GAPVD1: variants seen among roughly 807,000 people sequenced by gnomAD.
GAPVD1 encodes the protein GTPase-activating protein and VPS9 domain-containing protein 1.
Under a neutral mutation model 155.5 loss-of-function variants are expected in GAPVD1, and 35 were observed. That is an observed-to-expected ratio of 0.23 (90% confidence interval 0.17 to 0.30). The LOEUF (loss-of-function observed/expected upper bound fraction) is 0.30. GAPVD1 is among the 10% of genes least tolerant of loss of function. The probability of loss-of-function intolerance (pLI) is 1.00; values close to 1 mark genes in which losing one functional copy is unlikely to be tolerated. For synonymous variants in GAPVD1, 636 were observed against 619.7 expected (o/e 1.03, Z -0.39); for missense variants, 1,429 against 1,775.7 (o/e 0.80, Z 3.51).
intron 27 of GAPVD1, among the ~76,000 whole-genome samples, chr9:125,361,035 T>C (rs1850834819): frequency 6.6e-6 from 1 of 152,142 alleles, no homozygotes; most frequent in African/African-American, 2.4e-5. Flanking sequence ...CGAATTTTTT[T>C]TCATTTTTGC....
chr9:125,358,147 C>G (rs1210889749), intron 25 of GAPVD1, among the ~76,000 whole-genome samples: 1 of 152,048 alleles, frequency 6.6e-6, no homozygotes, highest in Non-Finnish European at 1.5e-5. Flanking sequence ...ACTCTGTCAC[C>G]CAGGCTGGAG....
At chr9:125,351,738 T>G (rs1418848828) in intron 23 of GAPVD1, among the ~76,000 whole-genome samples, 4 of 152,102 alleles carry the variant, frequency 2.6e-5, no homozygotes, top group East Asian at 1.9e-4. Flanking sequence ...CCCATGGTCT[T>G]TCTTTTTTTT....
intron 12 of GAPVD1, among the ~76,000 whole-genome samples, chr9:125,328,007 A>G (rs1845448430): frequency 6.6e-6 from 1 of 152,088 alleles, no homozygotes; most frequent in Non-Finnish European, 1.5e-5. Flanking sequence ...ATATAGCTTT[A>G]AAAGGTAACT....
chr9:125,280,396 C>CAAAAAAAAAAAAA (rs750354567), intron 2 of GAPVD1, among the ~76,000 whole-genome samples: 2 of 57,338 alleles, frequency 3.5e-5, no homozygotes, highest in Non-Finnish European at 6.3e-5. Context: ...AAGTCCATCT[C>CAAAAAAAAAAAAA]AAAAAAAAAA....
At chr9:125,303,603 C>T (rs906842988) in intron 5 of GAPVD1, among the ~76,000 whole-genome samples, 76 of 151,594 alleles carry the variant, frequency 5.0e-4, no homozygotes, top group African/African-American at 1.7e-3. Flanking sequence ...ATGGAGAAAC[C>T]CCATCTCTAC....
At chr9:125,300,513 G>C (rs768718492) in intron 4 of GAPVD1, among the ~76,000 whole-genome samples, 1 of 151,958 alleles carries the variant, frequency 6.6e-6, no homozygotes, top group Non-Finnish European at 1.5e-5. Flanking sequence ...TATCAGTGCT[G>C]TTGAGAATAT....
At chr9:125,314,095 T>A (rs1843041740) in intron 9 of GAPVD1, among the ~76,000 whole-genome samples, 1 of 152,182 alleles carries the variant, frequency 6.6e-6, no homozygotes, top group African/African-American at 2.4e-5. Context: ...GAGATTGTGG[T>A]ATGGAAATTA....
At chr9:125,281,175 G>T (rs530093156) in intron 2 of GAPVD1, among the ~76,000 whole-genome samples, 1 of 152,128 alleles carries the variant, frequency 6.6e-6, no homozygotes, top group African/African-American at 2.4e-5. Context: ...TTTCTAGGCC[G>T]TGGTGGTTAG....
chr9:125,332,689 C>T (rs971031164), intron 15 of GAPVD1, 60 bp downstream of exon 15: 3 of 1,403,896 alleles, frequency 2.1e-6, no homozygotes, highest in African/African-American at 1.4e-5. Flanking sequence ...GAAACTGGCA[C>T]TGTGACACAT....
intron 22 of GAPVD1, 22 bp downstream of exon 22, chr9:125,350,426 T>C (rs1256820254): frequency 7.0e-7 from 1 of 1,432,754 alleles, no homozygotes. Flanking sequence ...CAGGATCGTT[T>C]AATTTTTCCT....
intron 2 of GAPVD1, among the ~76,000 whole-genome samples, chr9:125,280,009 A>G (rs1367778326): frequency 6.6e-6 from 1 of 151,158 alleles, no homozygotes; most frequent in African/African-American, 2.4e-5. Flanking sequence ...TGATCCACTC[A>G]ACCTCGGCCT....
chr9:125,298,481 ATTTTTTTTTTTTT>A (rs34644117), intron 3 of GAPVD1, among the ~76,000 whole-genome samples: 1 of 89,250 alleles, frequency 1.1e-5, no homozygotes, highest in Non-Finnish European at 2.0e-5. Context: ...ATGTAACCTA[ATTTTTTTTTTTTT>A]TTTTTTTTTT....
chr9:125,349,281 T>TAA, intron 20 of GAPVD1, 109 bp from the exon 21 acceptor site: 1 of 884,674 alleles, frequency 1.1e-6, no homozygotes, highest in Non-Finnish European at 1.7e-6. Flanking sequence ...AGAGAACTCT[T>TAA]ATTATTAGTC....
In GAPVD1 at chr9:125,362,664, G is replaced by C. The variant is rs1357427603; in HGVS notation, c.4301G>C (p.Cys1434Ser). The C allele has an allele frequency of 3.1e-6, 5 of 1,613,272 alleles. No homozygotes were observed. In the African/African-American group the frequency reaches 4.0e-5, roughly 13 times the overall value. ...VQYISSFYAS[C>S]LSGEESYWWM... ...TATATCAGTAGCTTTTATGCTAGCT[G>C]TCTGTCTGGAGAGGAGTCCTATTGG... is the stretch of plus-strand genomic sequence containing the variant. The change falls in exon 28 of 28, where the codon TGT becomes TCT. Residue 1434 changes from cysteine to serine, a missense_variant. Transcript: ENST00000297933.
rs542920402 is a variant in GAPVD1 at position 125,343,223 on chromosome 9, A to G, written c.3046+924A>G. ...TTTTTTTTTTTTAAGCTCATCAGCT[A>G]TCATTAGTGTTAGTGTATTTTATGT... On this transcript the variant is annotated intron_variant, in intron 19 of 27. Transcript: ENST00000297933. Among the ~76,000 whole-genome samples the G allele has an allele frequency of 1.8e-4, 27 of 150,024 alleles. No homozygotes were observed. The East Asian group carries it at 3.3e-3, about 18-fold the overall frequency.
chr9:125,264,008 G>A (rs996988539), intron 1 of GAPVD1: 5 of 1,319,694 alleles, frequency 3.8e-6, no homozygotes, highest in Non-Finnish European at 5.4e-6. Flanking sequence ...TGCCAGCTCT[G>A]GGTGCTTAGG....
chr9:125,288,761 C>T (rs1159298461), intron 2 of GAPVD1, among the ~76,000 whole-genome samples: 1 of 152,088 alleles, frequency 6.6e-6, no homozygotes, highest in Admixed American at 6.6e-5. Context: ...TGCAAGGGAA[C>T]CAATTAGGCA....
At chr9:125,277,370 G>A (rs1835953267) in intron 2 of GAPVD1, among the ~76,000 whole-genome samples, 1 of 152,162 alleles carries the variant, frequency 6.6e-6, no homozygotes, top group African/African-American at 2.4e-5. Context: ...TCAAGGGACT[G>A]TACTTGGTTT....
chr9:125,331,804 C>CACAT, intron 13 of GAPVD1, 122 bp from the exon 14 acceptor site: 1 of 810,014 alleles, frequency 1.2e-6, no homozygotes, highest in South Asian at 1.6e-5. Flanking sequence ...TCCAGACTTA[C>CACAT]ACATGTATTT....
Sources: gnomAD v4.1 joint callset for allele counts (sites outside exome capture counted in the v4.1 genomes callset) on GRCh38, gnomAD v4.1.1 for gene constraint, MANE v1.5 for transcripts, NCBI Gene and HGNC (gene_info 2026-07-23, HGNC 2026-07-21) for gene names.